The following LUZP2 variants were observed in gnomAD, a reference collection of about 807,000 sequenced individuals.
LUZP2 encodes leucine zipper protein 2.
LUZP2 carries 52 observed loss-of-function variants against 51.6 expected under a neutral mutation model. That is an observed-to-expected ratio of 1.01 (90% CI 0.81 to 1.27). The LOEUF (loss-of-function observed/expected upper bound fraction) is 1.27, where lower values mean the gene tolerates loss of function less well. Among genes scored for constraint, LUZP2 ranks in the 50% most tolerant of loss-of-function variants. The pLI is 0.00. For missense variants in LUZP2, 436 were observed against 395.4 expected, an observed-to-expected ratio of 1.10 and a Z score of -0.87; for synonymous variants, 154 against 137.3, an observed-to-expected ratio of 1.12 and a Z score of -0.85.
At chr11:24,910,497 C>T (rs1177064390) in intron 6 of LUZP2, among the ~76,000 whole-genome samples, 5 of 152,200 alleles carry the variant, frequency 3.3e-5, no homozygotes, top group Non-Finnish European at 7.3e-5. Context: ...TGCATCCCGT[C>T]TGCTTCAGCT....
At chr11:24,776,601 C>A (rs1038379533) in intron 5 of LUZP2, among the ~76,000 whole-genome samples, 2 of 152,142 alleles carry the variant, frequency 1.3e-5, no homozygotes, top group African/African-American at 2.4e-5. Context: ...GTAATCATTG[C>A]TGTTCCCAAG....
At position 24,668,888 on chromosome 11, in the gene LUZP2, T is replaced by C. The variant is rs181916571; in HGVS notation, c.63-60281T>C. ...AGTAAGTACTAGATTTTCCTGGACA[T>C]TTAAATGTTTATTACATACCATTTT... On this transcript the variant is annotated intron_variant, in intron 1 of 11. Transcript: ENST00000336930. Among the ~76,000 whole-genome samples the C allele has an allele frequency of 6.3e-4, 96 of 152,268 alleles. 1 individual carries two copies. The South Asian group carries it at 0.015, about 24-fold the overall frequency.
At chr11:24,751,416 T>A (rs1859583690) in intron 4 of LUZP2, 1 of 185,448 alleles carries the variant, frequency 5.4e-6, no homozygotes, top group Non-Finnish European at 1.0e-5. Flanking sequence ...TTTTCTGCAC[T>A]CTTCCTTGAG....
At chr11:24,924,840 C>T (rs962243579) in intron 7 of LUZP2, among the ~76,000 whole-genome samples, 1 of 152,024 alleles carries the variant, frequency 6.6e-6, no homozygotes, top group African/African-American at 2.4e-5. Flanking sequence ...TATCTAAAGA[C>T]CTGGAATCAA....
intron 5 of LUZP2, among the ~76,000 whole-genome samples, chr11:24,766,267 CA>C (rs1860186609): frequency 6.6e-6 from 1 of 152,078 alleles, no homozygotes; most frequent in Admixed American, 6.6e-5. Context: ...ATCTATTCCG[CA>C]ACAATGTGTA....
chr11:24,533,334 AC>A (rs1851072546), intron 1 of LUZP2, among the ~76,000 whole-genome samples: 1 of 151,216 alleles, frequency 6.6e-6, no homozygotes, highest in Non-Finnish European at 1.5e-5. Context: ...ATCTTTTTTA[AC>A]TTTGTACTAA....
At chr11:24,790,908 C>T (rs1849387561) in intron 5 of LUZP2, among the ~76,000 whole-genome samples, 1 of 152,154 alleles carries the variant, frequency 6.6e-6, no homozygotes, top group Non-Finnish European at 1.5e-5. Flanking sequence ...TCCATTTATG[C>T]ATACTGTAAA....
At chr11:25,000,975 G>T (rs1267554590) in intron 9 of LUZP2, among the ~76,000 whole-genome samples, 1 of 152,162 alleles carries the variant, frequency 6.6e-6, no homozygotes, top group Non-Finnish European at 1.5e-5. Flanking sequence ...TCCTGTAGCA[G>T]TGGCCATTTC....
In LUZP2 at chr11:24,541,318, A is replaced by G. The variant is rs541784116; in HGVS notation, c.62+44013A>G. Among the ~76,000 whole-genome samples, 8 of 151,252 alleles carry G rather than the reference A, an allele frequency of 5.3e-5. No individual in the cohort carries two copies. The East Asian group carries it at 1.2e-3, about 22-fold the overall frequency. On this transcript the variant is annotated intron_variant, in intron 1 of 11. Transcript: ENST00000336930. ...CATTCGCCTACAGCTTCTTCAGCCCAAAGGATTAGATATCGTATCATTGCT... is the reference window on the plus strand; with the variant it reads ...CATTCGCCTACAGCTTCTTCAGCCCGAAGGATTAGATATCGTATCATTGCT...
At chr11:24,520,539 G>C (rs1377290371) in intron 1 of LUZP2, among the ~76,000 whole-genome samples, 1 of 152,190 alleles carries the variant, frequency 6.6e-6, no homozygotes, top group Non-Finnish European at 1.5e-5. Context: ...TAAGTTGCTG[G>C]ATTAAACTTT....
intron 1 of LUZP2, among the ~76,000 whole-genome samples, chr11:24,691,589 C>T (rs1857068173): frequency 6.7e-6 from 1 of 148,998 alleles, no homozygotes; most frequent in Admixed American, 6.7e-5. Context: ...GTATATAAAA[C>T]CTAGAATTTG....
At chr11:24,529,592 A>C (rs1348006435) in intron 1 of LUZP2, among the ~76,000 whole-genome samples, 1 of 151,074 alleles carries the variant, frequency 6.6e-6, no homozygotes, top group African/African-American at 2.4e-5. Context: ...AGGAATCAAT[A>C]AGAATAAGAC....
At chr11:24,505,537 T>C (rs945676264) in intron 1 of LUZP2, among the ~76,000 whole-genome samples, 1 of 152,152 alleles carries the variant, frequency 6.6e-6, no homozygotes, top group Non-Finnish European at 1.5e-5. Flanking sequence ...ATCGACAGTC[T>C]ACATTATCTA....
chr11:24,957,484 C>G (rs543284112), intron 7 of LUZP2, among the ~76,000 whole-genome samples: 48 of 151,954 alleles, frequency 3.2e-4, no homozygotes, highest in Middle Eastern at 6.8e-3. Context: ...GGCTTTGTAC[C>G]CTTTGACTTC....
At chr11:24,758,327 G>A (rs550814914) in intron 4 of LUZP2, among the ~76,000 whole-genome samples, 116 of 142,128 alleles carry the variant, frequency 8.2e-4, no homozygotes, top group African/African-American at 3.2e-3. Flanking sequence ...TGACTTGCGT[G>A]TGTGTGTGTG....
chr11:24,505,962 T>G (rs1265586117), intron 1 of LUZP2, among the ~76,000 whole-genome samples: 1 of 151,594 alleles, frequency 6.6e-6, no homozygotes, highest in Non-Finnish European at 1.5e-5. Flanking sequence ...ATATTAATTA[T>G]TTTAAAGAGG....
At chr11:24,795,935 C>A (rs1296676023) in intron 5 of LUZP2, among the ~76,000 whole-genome samples, 2 of 152,056 alleles carry the variant, frequency 1.3e-5, no homozygotes, top group South Asian at 2.1e-4. Context: ...GGTTATGAAC[C>A]AAACTCCCTA....
chr11:24,872,314 G>A (rs1458226818), intron 5 of LUZP2, among the ~76,000 whole-genome samples: 2 of 152,080 alleles, frequency 1.3e-5, no homozygotes, highest in Non-Finnish European at 2.9e-5. Context: ...TCTGCACAAT[G>A]TTTGCTACTA....
chr11:24,819,250 A>G (rs749985792), intron 5 of LUZP2, among the ~76,000 whole-genome samples: 3 of 152,116 alleles, frequency 2.0e-5, no homozygotes, highest in Non-Finnish European at 4.4e-5. Context: ...AAATGATGTT[A>G]GACAAGTGGT....
Sources: allele counts gnomAD v4.1 joint callset (sites outside exome capture counted in the v4.1 genomes callset), GRCh38; gene constraint gnomAD v4.1.1; transcripts MANE v1.5; gene names NCBI Gene and HGNC (gene_info 2026-07-23, HGNC 2026-07-21).